The following RALYL variants were observed in gnomAD, a reference collection of about 807,000 sequenced individuals.
RALYL encodes RALY RNA binding protein like, also known as RNA-binding Raly-like protein.
RALYL carries 29 observed loss-of-function variants against 35.1 expected under a neutral mutation model. The observed-to-expected ratio is 0.83, with a 90% confidence interval of 0.61 to 1.13. The LOEUF is 1.13. Ranked by LOEUF, RALYL falls within the 50% of genes most tolerant of loss-of-function variation. The probability of loss-of-function intolerance (pLI) is 0.00; values close to 1 mark genes in which losing one functional copy is unlikely to be tolerated. For missense variants in RALYL, 359 were observed against 360.4 expected, an observed-to-expected ratio of 1.00 and a Z score of 0.03; for synonymous variants, 120 against 127.6, an observed-to-expected ratio of 0.94 and a Z score of 0.40.
chr8:84,802,854 T>A (rs1823667021), intron 3 of RALYL, among the ~76,000 whole-genome samples: 1 of 151,996 alleles, frequency 6.6e-6, no homozygotes, highest in Non-Finnish European at 1.5e-5. Context: ...TCGGAGAGAC[T>A]AACTAGGCTG....
At chr8:84,558,740 C>A (rs2135548264) in intron 2 of RALYL, among the ~76,000 whole-genome samples, 1 of 152,196 alleles carries the variant, frequency 6.6e-6, no homozygotes, top group South Asian at 2.1e-4. Context: ...GATAATTAGG[C>A]AATATGGATG....
chr8:84,528,396 A>G (rs2059055974), intron 1 of RALYL, among the ~76,000 whole-genome samples: 1 of 152,150 alleles, frequency 6.6e-6, no homozygotes, highest in South Asian at 2.1e-4. Flanking sequence ...CAAGGCCTTA[A>G]GAATAAATCT....
chr8:84,317,120 T>A lies in RALYL; in HGVS notation c.-24+132696T>A, dbSNP rs546311383. ...CAGCAGGGATGAAGCACATAAAAACTTGCACTACATATTATTTTGTGATAT... is the reference window on the plus strand; with the variant it reads ...CAGCAGGGATGAAGCACATAAAAACATGCACTACATATTATTTTGTGATAT... On this transcript the variant is annotated intron_variant, in intron 1 of 8. Coordinates refer to ENST00000521268, the MANE Select transcript of RALYL (RefSeq NM_173848.7). 7.3e-4 allele frequency among the ~76,000 whole-genome samples: 111 copies of A among 152,302 alleles called. 4 individuals carry two copies. The South Asian group carries it at 0.022, about 30-fold the overall frequency.
chr8:84,505,696 T>C (rs184432366), intron 1 of RALYL, among the ~76,000 whole-genome samples: 24 of 151,854 alleles, frequency 1.6e-4, no homozygotes, highest in Non-Finnish European at 2.4e-4. Context: ...TAGTTTTCGA[T>C]GATTTAATAT....
chr8:84,233,090 C>T (rs1825739645), intron 1 of RALYL, among the ~76,000 whole-genome samples: 1 of 151,990 alleles, frequency 6.6e-6, no homozygotes, highest in Non-Finnish European at 1.5e-5. Flanking sequence ...TCAAACGATC[C>T]ACCTGCCTTA....
intron 8 of RALYL, among the ~76,000 whole-genome samples, chr8:84,907,597 G>A (rs901241979): frequency 2.6e-5 from 4 of 152,022 alleles, no homozygotes; most frequent in Admixed American, 6.6e-5. Flanking sequence ...GTCAGGGTCC[G>A]TAAGATTCTA....
intron 1 of RALYL, among the ~76,000 whole-genome samples, chr8:84,244,375 G>C (rs1828638939): frequency 6.6e-6 from 1 of 152,170 alleles, no homozygotes; most frequent in African/African-American, 2.4e-5. Flanking sequence ...AGCAAACAGT[G>C]TACATGAGGT....
In RALYL at chr8:84,273,613, G is replaced by C. The variant is rs1834764399; in HGVS notation, c.-24+89189G>C. ...CATCTTCAAGGATGCGTACATGTCT[G>C]TCTTTATATGTTTTGGGAGAGGCTT... is the stretch of plus-strand genomic sequence containing the variant. On this transcript the variant is annotated intron_variant, in intron 1 of 8. Transcript: ENST00000521268. Among the ~76,000 whole-genome samples, 2 of 152,188 alleles carry C rather than the reference G, an allele frequency of 1.3e-5. 1 individual carries two copies. The highest frequency in any genetic ancestry group is 4.1e-4 in the South Asian group (2 of 4,826).
intron 2 of RALYL, among the ~76,000 whole-genome samples, chr8:84,732,511 A>T (rs1240680836): frequency 6.6e-6 from 1 of 151,954 alleles, no homozygotes; most frequent in Non-Finnish European, 1.5e-5. Flanking sequence ...CTTCAGGGTC[A>T]CAAAGAACAA....
chr8:84,798,475 T>G (rs1429293851), intron 3 of RALYL, among the ~76,000 whole-genome samples: 2 of 152,206 alleles, frequency 1.3e-5, no homozygotes, highest in Non-Finnish European at 2.9e-5. Flanking sequence ...TTATTTCCAT[T>G]TTGCAAATGA....
chr8:84,696,479 T>TA (rs1839177198), intron 2 of RALYL, among the ~76,000 whole-genome samples: 1 of 151,958 alleles, frequency 6.6e-6, no homozygotes, highest in South Asian at 2.1e-4. Flanking sequence ...CAAAGGTTTT[T>TA]AAAATTGAAT....
chr8:84,616,550 C>T (rs1306330505), intron 2 of RALYL, among the ~76,000 whole-genome samples: 2 of 148,700 alleles, frequency 1.3e-5, no homozygotes, highest in African/African-American at 5.0e-5. Context: ...GTTGCCTGTT[C>T]ACTCTGATGG....
intron 1 of RALYL, among the ~76,000 whole-genome samples, chr8:84,481,323 T>G (rs1319316445): frequency 2.0e-5 from 3 of 152,166 alleles, no homozygotes; most frequent in Admixed American, 1.3e-4. Flanking sequence ...AATTCATGAG[T>G]ATTTTGTTGC....
At chr8:84,694,779 C>G (rs181051735) in intron 2 of RALYL, among the ~76,000 whole-genome samples, 10 of 151,814 alleles carry the variant, frequency 6.6e-5, no homozygotes, top group Non-Finnish European at 1.0e-4. Context: ...AAATTATTGT[C>G]TTATGATATG....
intron 2 of RALYL, among the ~76,000 whole-genome samples, chr8:84,607,649 G>T (rs149039706): frequency 8.6e-5 from 13 of 151,968 alleles, no homozygotes; most frequent in Admixed American, 7.9e-4. Context: ...CATCTGGATC[G>T]CCTGCCCTGG....
At chr8:84,876,670 C>CAATT (rs918366427) in intron 7 of RALYL, among the ~76,000 whole-genome samples, 14 of 149,500 alleles carry the variant, frequency 9.4e-5, no homozygotes, top group Non-Finnish European at 1.9e-4. Flanking sequence ...AGTGAAAAGG[C>CAATT]AATTATTAGA....
chr8:84,793,637 C>T (rs1425412567), intron 3 of RALYL, among the ~76,000 whole-genome samples: 1 of 152,110 alleles, frequency 6.6e-6, no homozygotes, highest in Non-Finnish European at 1.5e-5. Context: ...TGCAGCCTTG[C>T]CAGTCACTTG....
Position 84,873,284 on chromosome 8 carries a change from T to C in RALYL, c.572T>C (p.Leu191Ser), listed in dbSNP as rs371321905. The C allele has an allele frequency of 1.9e-5, 29 of 1,541,982 alleles. No homozygotes were observed. The highest frequency in any genetic ancestry group is 2.4e-5 in the Non-Finnish European group (27 of 1,127,672). ...STASGSTGSK[L>S]KSDELQTIKK... Reference sequence around the variant, plus strand: ...TTTCTTCCTTCTTTCTACTTTCCAGTGAAATCAGATGAGTTACAGACCATC... The same window carrying C: ...TTTCTTCCTTCTTTCTACTTTCCAGCGAAATCAGATGAGTTACAGACCATC... Residue 191 changes from leucine (L) to serine (S), a missense_variant and splice_region_variant, in exon 7 of 9, where the codon TTG becomes TCG. Coordinates refer to ENST00000521268, the MANE Select transcript of RALYL (RefSeq NM_173848.7).
chr8:84,294,213 G>A (rs575743440), intron 1 of RALYL, among the ~76,000 whole-genome samples: 88 of 152,206 alleles, frequency 5.8e-4, no homozygotes, highest in African/African-American at 2.1e-3. Flanking sequence ...TAATAAAATC[G>A]ACAATTTAGG....
Sources: gnomAD v4.1 joint callset for allele counts (sites outside exome capture counted in the v4.1 genomes callset) on GRCh38, gnomAD v4.1.1 for gene constraint, MANE v1.5 for transcripts, NCBI Gene and HGNC (gene_info 2026-07-23, HGNC 2026-07-21) for gene names.